Variants in RGS6 observed in about 807,000 individuals in gnomAD.
RGS6 encodes the protein regulator of G protein signaling 6.
A neutral mutation model predicts 78.5 loss-of-function variants in RGS6; 30 were observed. That is an observed-to-expected ratio of 0.38 (90% CI 0.29 to 0.52). The LOEUF (loss-of-function observed/expected upper bound fraction) is 0.52. Among genes scored for constraint, RGS6 ranks in the 20% least tolerant of loss-of-function variants. The probability of loss-of-function intolerance (pLI) is 0.85; values close to 1 mark genes in which losing one functional copy is unlikely to be tolerated. For synonymous variants in RGS6, 206 were observed against 206.0 expected, an observed-to-expected ratio of 1.00 and a Z score of 0.00; for missense variants, 495 against 609.7, an observed-to-expected ratio of 0.81 and a Z score of 1.98.
At chr14:72,219,511 A>G (rs529020731) in intron 2 of RGS6, among the ~76,000 whole-genome samples, 8 of 152,320 alleles carry the variant, frequency 5.3e-5, no homozygotes, top group African/African-American at 1.9e-4. Flanking sequence ...TTACACATTT[A>G]AATGCAATCT....
intron 2 of RGS6, among the ~76,000 whole-genome samples, chr14:72,000,577 G>A (rs1030932060): frequency 2.0e-5 from 3 of 152,128 alleles, no homozygotes; most frequent in African/African-American, 4.8e-5. Flanking sequence ...GGAGGATGCC[G>A]GAAGGAGAAC....
Position 72,564,737 on chromosome 14 carries a change from G to A in RGS6, c.*2270G>A, listed in dbSNP as rs1266213931. The A allele has an allele frequency of 2.0e-5, 3 of 152,324 alleles. No individual in the cohort carries two copies. In the East Asian group the frequency reaches 5.8e-4, roughly 29 times the overall value. 9.4% of individuals were successfully genotyped at this position (152,324 alleles called of 1,614,324 possible). On this transcript the variant is annotated 3_prime_UTR_variant, in exon 18 of 18. Transcript: ENST00000553525. ...TTCTCCTTCTGACTGGTCTCACCCTGGAGATCCCCAGAGGATCTGACCAGA... is the reference window on the plus strand; with the variant it reads ...TTCTCCTTCTGACTGGTCTCACCCTAGAGATCCCCAGAGGATCTGACCAGA...
chr14:72,321,052 A>G (rs1036288747), intron 2 of RGS6, among the ~76,000 whole-genome samples: 1 of 151,424 alleles, frequency 6.6e-6, no homozygotes. Context: ...CATATAATAT[A>G]TATTAAACCA....
intron 2 of RGS6, among the ~76,000 whole-genome samples, chr14:72,131,055 C>T (rs1406161872): frequency 1.3e-5 from 2 of 152,228 alleles, no homozygotes; most frequent in Non-Finnish European, 2.9e-5. Flanking sequence ...CTGTCTCCAT[C>T]GTTGCCTTGC....
At chr14:72,175,355 A>T (rs2097091546) in intron 2 of RGS6, among the ~76,000 whole-genome samples, 1 of 152,214 alleles carries the variant, frequency 6.6e-6, no homozygotes, top group African/African-American at 2.4e-5. Context: ...TCAGTTAGTG[A>T]TACTAACGTT....
chr14:72,014,905 C>T (rs1468759601), intron 2 of RGS6, among the ~76,000 whole-genome samples: 1 of 152,186 alleles, frequency 6.6e-6, no homozygotes, highest in African/African-American at 2.4e-5. Context: ...GCTTCATTCC[C>T]AGGTGTGCTT....
upstream of RGS6, among the ~76,000 whole-genome samples, chr14:71,929,222 A>G (rs895742476): frequency 2.6e-5 from 4 of 152,192 alleles, no homozygotes; most frequent in South Asian, 8.3e-4. Context: ...TTGTGCCACA[A>G]AAGTCATTTA....
chr14:72,142,120 TA>T (rs908043830), intron 2 of RGS6, among the ~76,000 whole-genome samples: 1 of 152,072 alleles, frequency 6.6e-6, no homozygotes, highest in Non-Finnish European at 1.5e-5. Flanking sequence ...GCTGAGTTCT[TA>T]AAAAAACCTG....
chr14:72,058,505 G>C (rs1348921035), intron 2 of RGS6, among the ~76,000 whole-genome samples: 1 of 151,064 alleles, frequency 6.6e-6, no homozygotes, highest in Non-Finnish European at 1.5e-5. Flanking sequence ...GGTATATAAA[G>C]GGTTTTTTTT....
chr14:72,582,635 C>T, the RGS6 span, among the ~76,000 whole-genome samples: 2 of 152,190 alleles, frequency 1.3e-5, no homozygotes, highest in East Asian at 3.9e-4. Flanking sequence ...TGTGTTCCAC[C>T]CAGACCCATA....
chr14:72,226,985 G>A (rs1242585945), intron 2 of RGS6, among the ~76,000 whole-genome samples: 3 of 152,044 alleles, frequency 2.0e-5, no homozygotes, highest in African/African-American at 7.2e-5. Flanking sequence ...CTGTACCCAT[G>A]CATGCTGTTG....
chr14:72,256,292 C>G (rs546874829), intron 2 of RGS6, among the ~76,000 whole-genome samples: 31 of 152,092 alleles, frequency 2.0e-4, no homozygotes, highest in Non-Finnish European at 2.9e-4. Flanking sequence ...AGTCACAGGA[C>G]CAGTTGAGTC....
chr14:72,599,051 C>T, the RGS6 span, among the ~76,000 whole-genome samples: 6 of 152,172 alleles, frequency 3.9e-5, no homozygotes, highest in East Asian at 3.9e-4. Context: ...GGAGACCCGG[C>T]GCAGCCACGG....
intron 3 of RGS6, among the ~76,000 whole-genome samples, chr14:72,374,324 G>A (rs1358395844): frequency 2.0e-5 from 3 of 151,672 alleles, no homozygotes; most frequent in Non-Finnish European, 4.4e-5. Context: ...CTACCTATGA[G>A]TGAGAACATG....
chr14:72,057,222 G>A (rs764933111), intron 2 of RGS6, among the ~76,000 whole-genome samples: 3 of 149,860 alleles, frequency 2.0e-5, no homozygotes, highest in East Asian at 2.0e-4. Context: ...GCTGAGGGAG[G>A]TGAATTGCTT....
At chr14:71,974,366 T>G (rs1198386828) in intron 2 of RGS6, among the ~76,000 whole-genome samples, 1 of 152,234 alleles carries the variant, frequency 6.6e-6, no homozygotes, top group Non-Finnish European at 1.5e-5. Context: ...AAAAACTTAT[T>G]TCAATAAGGG....
chr14:72,040,533 T>C (rs2092302554), intron 2 of RGS6, among the ~76,000 whole-genome samples: 1 of 151,740 alleles, frequency 6.6e-6, no homozygotes, highest in Admixed American at 6.6e-5. Flanking sequence ...CTTGCTGTTT[T>C]TCAAGATTCT....
intron 2 of RGS6, among the ~76,000 whole-genome samples, chr14:72,130,508 C>G (rs1368086783): frequency 2.0e-5 from 3 of 152,172 alleles, no homozygotes; most frequent in African/African-American, 7.2e-5. Context: ...ACCTTGATAG[C>G]ATAAAGATAC....
chr14:72,391,613 AC>A (rs771088333), intron 3 of RGS6, among the ~76,000 whole-genome samples: 3 of 152,164 alleles, frequency 2.0e-5, no homozygotes, highest in Non-Finnish European at 2.9e-5. Context: ...GTATATACAC[AC>A]ACACTTTAAG....
Sources: gnomAD v4.1 joint callset for allele counts (sites outside exome capture counted in the v4.1 genomes callset) on GRCh38, gnomAD v4.1.1 for gene constraint, MANE v1.5 for transcripts, NCBI Gene and HGNC (gene_info 2026-07-23, HGNC 2026-07-21) for gene names.